The following ANAPC7 variants were observed in gnomAD, a reference collection of about 807,000 sequenced individuals.
The protein encoded by ANAPC7 is anaphase-promoting complex subunit 7.
Under a neutral mutation model 63.3 loss-of-function variants are expected in ANAPC7, and 25 were observed. The observed-to-expected ratio is 0.39, with a 90% CI of 0.29 to 0.55. The LOEUF is 0.55. ANAPC7 is among the 20% of genes least tolerant of loss of function. The pLI, the probability that ANAPC7 is intolerant of heterozygous loss-of-function variation, is 0.57. For missense variants in ANAPC7, 516 were observed against 691.7 expected (o/e 0.75, Z 2.85); for synonymous variants, 241 against 251.7 (o/e 0.96, Z 0.40).
At chr12:110,382,349 C>T (rs1459304509) in intron 7 of ANAPC7, among the ~76,000 whole-genome samples, 1 of 149,258 alleles carries the variant, frequency 6.7e-6, no homozygotes, top group African/African-American at 2.5e-5. Flanking sequence ...AGGTTATTAG[C>T]CCATTTTCCA....
Position 110,382,756 on chromosome 12 carries a change from G to A in ANAPC7, c.935+87C>T, listed in dbSNP as rs183043127. ...GTCCAGGTGATTACCTCTTAAACCT[G>A]TGCTTTCAATTTATATTCTCTTCAA... On this transcript the variant is annotated intron_variant, in intron 7 of 10. Coordinates refer to ENST00000455511, the MANE Select transcript of ANAPC7 (RefSeq NM_016238.3). 911 of 1,159,852 alleles carry A rather than the reference G, an allele frequency of 7.9e-4. 9 individuals carry two copies. In the African/African-American group the frequency reaches 0.013, roughly 16 times the overall value. 71.8% of individuals were successfully genotyped at this position (1,159,852 alleles called of 1,614,324 possible).
chr12:110,382,462 A>ATATATATATATATG (rs1566264361), intron 7 of ANAPC7, among the ~76,000 whole-genome samples: 2 of 53,444 alleles, frequency 3.7e-5, no homozygotes, highest in African/African-American at 1.3e-4. Context: ...AAAAAAAAAA[A>ATATATATATATATG]TATATATATA....
chr12:110,395,089 C>G lies in ANAPC7; in HGVS notation c.408+12G>C. ...AGAGCTGAGGAGAAAAACACATAAA[C>G]ATTCAACTTACTTTGGGAGTTCTTT... On this transcript the variant is annotated intron_variant, in intron 3 of 10. Coordinates refer to ENST00000455511, the MANE Select transcript of ANAPC7 (RefSeq NM_016238.3). 6.2e-7 allele frequency: 1 copy of G among 1,610,682 alleles called. No homozygotes were observed. The highest frequency in any genetic ancestry group is 8.5e-7 in the Non-Finnish European group (1 of 1,178,694).
intron 7 of ANAPC7, 47 bp from the exon 8 acceptor site, chr12:110,381,995 C>G (rs1186964788): frequency 1.4e-6 from 2 of 1,478,020 alleles, no homozygotes; most frequent in Non-Finnish European, 1.8e-6. Flanking sequence ...CAGAAGTTAT[C>G]CAAGAGAAGA....
At chr12:110,377,889 A>T in intron 8 of ANAPC7, 1 of 1,199,812 alleles carries the variant, frequency 8.3e-7, no homozygotes, top group Non-Finnish European at 1.1e-6. Flanking sequence ...AACCTGCAGC[A>T]TGTGAGCACC....
At chr12:110,399,910 AT>A in intron 1 of ANAPC7, among the ~76,000 whole-genome samples, 1 of 152,168 alleles carries the variant, frequency 6.6e-6, no homozygotes, top group African/African-American at 2.4e-5. Context: ...CCTGGCCAAC[AT>A]GTTGAAACCT....
At chr12:110,389,445 A>G (rs1031324888) in intron 3 of ANAPC7, among the ~76,000 whole-genome samples, 2 of 152,216 alleles carry the variant, frequency 1.3e-5, no homozygotes, top group Non-Finnish European at 2.9e-5. Flanking sequence ...ACTTGTGGCT[A>G]GACTCTAGCC....
At chr12:110,376,292 A>G in intron 9 of ANAPC7, 76 bp from the exon 10 acceptor site, 1 of 1,534,654 alleles carries the variant, frequency 6.5e-7, no homozygotes, top group Non-Finnish European at 8.9e-7. Context: ...ATCTCTTTGC[A>G]GACATCCTCA....
At chr12:110,396,661 G>A (rs566515669) in intron 1 of ANAPC7, among the ~76,000 whole-genome samples, 52 of 147,518 alleles carry the variant, frequency 3.5e-4, no homozygotes, top group African/African-American at 1.2e-3. Flanking sequence ...CAGGCACATG[G>A]CACCACACCC....
chr12:110,402,008 T>C (rs2062236890), intron 1 of ANAPC7, among the ~76,000 whole-genome samples: 1 of 148,546 alleles, frequency 6.7e-6, no homozygotes, highest in Non-Finnish European at 1.5e-5. Flanking sequence ...AAACTCTGTT[T>C]CTACTAAAAT....
intron 1 of ANAPC7, 64 bp from the exon 2 acceptor site, chr12:110,396,516 CTTT>C: frequency 1.1e-5 from 11 of 1,036,892 alleles, no homozygotes; most frequent in South Asian, 3.6e-5. Context: ...CCCCCAGCTT[CTTT>C]TTTTTTTTTG....
chr12:110,381,985 C>T (rs1881901133), intron 7 of ANAPC7, 37 bp from the exon 8 acceptor site: 1 of 1,489,516 alleles, frequency 6.7e-7, no homozygotes, highest in African/African-American at 1.4e-5. Context: ...ACAAAAACCC[C>T]AGAAGTTATC....
intron 3 of ANAPC7, among the ~76,000 whole-genome samples, chr12:110,394,669 C>CAAAAAAAAA (rs779142936): frequency 2.3e-5 from 1 of 42,788 alleles, no homozygotes; most frequent in African/African-American, 1.1e-4. Flanking sequence ...AATTCCACCT[C>CAAAAAAAAA]AAAAAAAAAA....
At chr12:110,381,675 G>A in intron 8 of ANAPC7, 77 bp downstream of exon 8, 2 of 1,410,120 alleles carry the variant, frequency 1.4e-6, no homozygotes, top group Non-Finnish European at 1.9e-6. Flanking sequence ...GGAAGTGCTG[G>A]CCTAATGAAA....
rs202028995 is a variant in ANAPC7, at chr12:110,377,490, G to C, written c.1260C>G (p.Asp420Glu). The C allele has an allele frequency of 6.2e-7, 1 of 1,614,210 alleles. No individual in the cohort carries two copies. The highest frequency in any genetic ancestry group is 2.2e-5 in the East Asian group (1 of 44,880). ...TTTTGGCTTTCTCCTGTGTCACTGG[G>C]TCTTCAAGACAAACGGTGGCTAAAA... ...LTLLATVCLEDPVTQEKAKTL... is the reference protein window; with the variant it reads ...LTLLATVCLEEPVTQEKAKTL... The change falls in exon 9 of 11, where the codon GAC (aspartate) becomes GAG (glutamate). Residue 420 changes from aspartate (D) to glutamate (E), a missense_variant. Coordinates refer to ENST00000455511, the MANE Select transcript of ANAPC7 (RefSeq NM_016238.3).
In ANAPC7 at chr12:110,403,601, G is replaced by C. The variant is rs2062265366; in HGVS notation, c.27C>G (p.Asp9Glu). 2 of 1,607,440 alleles carry C rather than the reference G, an allele frequency of 1.2e-6. No homozygotes were observed. The highest frequency in any genetic ancestry group is 2.7e-5 in the African/African-American group (2 of 75,018). The change falls in exon 1 of 11, where the codon GAC becomes GAG. Residue 9 changes from aspartate (D) to glutamate (E), a missense_variant. Coordinates refer to ENST00000455511, the MANE Select transcript of ANAPC7 (RefSeq NM_016238.3). ...TGGAGTGCAGCCCCGCGGCCGCCATGTCCCGCACGTGGTCTATCACATTCA... is the reference window on the plus strand; with the variant it reads ...TGGAGTGCAGCCCCGCGGCCGCCATCTCCCGCACGTGGTCTATCACATTCA... MNVIDHVR[D>E]MAAAGLHSNV...
At chr12:110,376,782 T>C (rs1350309829) in intron 9 of ANAPC7, among the ~76,000 whole-genome samples, 1 of 148,786 alleles carries the variant, frequency 6.7e-6, no homozygotes, top group African/African-American at 2.5e-5. Flanking sequence ...CTAAAATCAG[T>C]TAGTTATATT....
chr12:110,390,235 A>AT (rs905560550), intron 3 of ANAPC7, among the ~76,000 whole-genome samples: 15 of 149,102 alleles, frequency 1.0e-4, no homozygotes, highest in South Asian at 2.1e-4. Flanking sequence ...CGCCCAGCTA[A>AT]TTTTTTTTTT....
intron 6 of ANAPC7, chr12:110,383,239 C>A (rs1249143944): frequency 2.1e-5 from 6 of 290,114 alleles, no homozygotes; most frequent in Non-Finnish European, 3.2e-5. Context: ...GAGATCGAGA[C>A]CATCCTGGCT....
Sources: gnomAD v4.1 joint callset for allele counts (sites outside exome capture counted in the v4.1 genomes callset) on GRCh38, gnomAD v4.1.1 for gene constraint, MANE v1.5 for transcripts, NCBI Gene and HGNC (gene_info 2026-07-23, HGNC 2026-07-21) for gene names.